The following TRAPPC9 variants were observed in gnomAD, a reference collection of about 807,000 sequenced individuals.
TRAPPC9 encodes IKK2 binding protein.
In TRAPPC9, 83 loss-of-function variants were observed where a neutral mutation model predicts 124.0. The observed-to-expected ratio is 0.67, with a 90% confidence interval of 0.56 to 0.80. The LOEUF is 0.80. TRAPPC9 is among the 30% of genes least tolerant of loss of function. TRAPPC9 has a pLI of 0.00. For missense variants in TRAPPC9, 1,302 were observed against 1,508.3 expected, an observed-to-expected ratio of 0.86 and a Z score of 2.27; for synonymous variants, 638 against 617.5, an observed-to-expected ratio of 1.03 and a Z score of -0.49.
intron 21 of TRAPPC9, among the ~76,000 whole-genome samples, chr8:139,734,303 G>A (rs567111688): frequency 2.6e-5 from 4 of 152,336 alleles, no homozygotes; most frequent in East Asian, 1.9e-4. Context: ...TGTCCAGTGC[G>A]TCCTTATTTT....
intron 15 of TRAPPC9, among the ~76,000 whole-genome samples, chr8:140,272,116 AATGGTGATGGTGGCG>A (rs1228802345): frequency 3.3e-5 from 4 of 120,118 alleles, no homozygotes; most frequent in South Asian, 5.9e-4. Context: ...TGGTGGTGGC[AATGGTGATGGTGGCG>A]ATGGTGATGG....
chr8:140,458,018 G>A (rs1486049751), upstream of TRAPPC9, among the ~76,000 whole-genome samples: 2 of 127,626 alleles, frequency 1.6e-5, no homozygotes, highest in Non-Finnish European at 3.3e-5. Flanking sequence ...GAGGAGGAGA[G>A]TAGGAGGAGG....
chr8:140,156,105 T>C (rs2061624469), intron 17 of TRAPPC9, among the ~76,000 whole-genome samples: 1 of 152,158 alleles, frequency 6.6e-6, no homozygotes, highest in Non-Finnish European at 1.5e-5. Context: ...AGGGGTAACA[T>C]TCGATGCAGA....
At position 140,197,459 on chromosome 8, in the gene TRAPPC9, G is replaced by A. The variant is rs531237628; in HGVS notation, c.2556+24000C>T. On this transcript the variant is annotated intron_variant, in intron 17 of 22. Transcript: ENST00000438773. ...ACGGTGACTTTCCTAAGGAAAAGGG[G>A]CTGAGGAAATAAAGGCTGAATTCGA... is the stretch of plus-strand genomic sequence containing the variant. 1.3e-3 allele frequency among the ~76,000 whole-genome samples: 204 copies of A among 152,246 alleles called. 2 individuals carry two copies. Among genetic ancestry groups the A allele is most frequent in the Admixed American group, 2.5e-3 (39 of 15,304 alleles).
chr8:139,902,040 T>C (rs1831051683), intron 20 of TRAPPC9, among the ~76,000 whole-genome samples: 1 of 152,180 alleles, frequency 6.6e-6, no homozygotes. Flanking sequence ...ATGCTCACAA[T>C]AATCATCACG....
intron 17 of TRAPPC9, among the ~76,000 whole-genome samples, chr8:140,200,396 T>C (rs183885801): frequency 7.3e-4 from 111 of 151,914 alleles, no homozygotes; most frequent in Non-Finnish European, 1.1e-3. Flanking sequence ...AGCCCTAGAG[T>C]GTGAGCTCCA....
intron 21 of TRAPPC9, among the ~76,000 whole-genome samples, chr8:139,849,745 A>G (rs909060234): frequency 2.0e-5 from 3 of 152,146 alleles, no homozygotes; most frequent in Non-Finnish European, 4.4e-5. Context: ...TGAATTCTTG[A>G]GTTCTAAGAT....
At position 139,956,979 on chromosome 8, in the gene TRAPPC9, G is replaced by A. The variant is rs1464618810; in HGVS notation, c.2810+31747C>T. Among the ~76,000 whole-genome samples the A allele has an allele frequency of 3.9e-5, 6 of 152,392 alleles. No individual in the cohort carries two copies. The East Asian group carries it at 9.6e-4, about 24-fold the overall frequency. On this transcript the variant is annotated intron_variant, in intron 19 of 22. Coordinates refer to ENST00000438773, the MANE Select transcript of TRAPPC9 (RefSeq NM_001160372.4). ...CGGATAAGGCCCTGAGGTGCTTGCTGCCTTCGAGCGGGAGGGACACGGCTT... is the reference window on the plus strand; with the variant it reads ...CGGATAAGGCCCTGAGGTGCTTGCTACCTTCGAGCGGGAGGGACACGGCTT...
chr8:139,869,449 C>A (rs1184039657), intron 21 of TRAPPC9, among the ~76,000 whole-genome samples: 3 of 152,226 alleles, frequency 2.0e-5, no homozygotes, highest in Admixed American at 2.0e-4. Flanking sequence ...GGGACACACA[C>A]ATGTCACATC....
chr8:140,298,657 A>G (rs1330769671), intron 11 of TRAPPC9, among the ~76,000 whole-genome samples: 1 of 151,236 alleles, frequency 6.6e-6, no homozygotes. Flanking sequence ...GTCTCAAAGA[A>G]AAAAAAAAGA....
intron 16 of TRAPPC9, among the ~76,000 whole-genome samples, chr8:140,236,634 C>T (rs1395554506): frequency 4.6e-5 from 7 of 152,112 alleles, no homozygotes; most frequent in Non-Finnish European, 1.0e-4. Flanking sequence ...TAAAAAAAGA[C>T]TTCAAACACC....
intron 14 of TRAPPC9, among the ~76,000 whole-genome samples, chr8:140,277,843 A>T (rs1305641209): frequency 2.0e-5 from 3 of 152,226 alleles, no homozygotes; most frequent in African/African-American, 7.2e-5. Context: ...AGAAACTCCA[A>T]TGTGGGACTA....
intron 7 of TRAPPC9, among the ~76,000 whole-genome samples, chr8:140,381,137 G>A (rs775808901): frequency 9.3e-5 from 14 of 151,094 alleles, no homozygotes; most frequent in African/African-American, 1.9e-4. Context: ...CCCGGGAGGC[G>A]GAGGTTGCAG....
At chr8:139,919,123 C>T (rs1047020055) in intron 19 of TRAPPC9, among the ~76,000 whole-genome samples, 1 of 152,224 alleles carries the variant, frequency 6.6e-6, no homozygotes, top group Non-Finnish European at 1.5e-5. Context: ...GGGCTAGTGT[C>T]CCGGCTGCAG....
chr8:140,322,254 C>G lies in TRAPPC9; in HGVS notation c.1496-10880G>C, dbSNP rs568456753. On this transcript the variant is annotated intron_variant, in intron 9 of 22. Transcript: ENST00000438773. Reference sequence around the variant, plus strand: ...TCCAGTCTTTTCTGTGCCCAGACCCCAAGCCAACAGAAGGTCAAATCCTGA... The same window carrying G: ...TCCAGTCTTTTCTGTGCCCAGACCCGAAGCCAACAGAAGGTCAAATCCTGA... 2.6e-5 allele frequency among the ~76,000 whole-genome samples: 4 copies of G among 152,228 alleles called. No individual in the cohort carries two copies. In the East Asian group the frequency reaches 7.7e-4, roughly 29 times the overall value.
intron 7 of TRAPPC9, among the ~76,000 whole-genome samples, chr8:140,382,264 T>C (rs187389296): frequency 7.8e-4 from 119 of 152,280 alleles, no homozygotes; most frequent in African/African-American, 2.5e-3. Context: ...ACCGGGTTCA[T>C]TTCACTGGGG....
At chr8:140,058,862 A>G (rs550194972) in intron 17 of TRAPPC9, among the ~76,000 whole-genome samples, 7 of 152,250 alleles carry the variant, frequency 4.6e-5, no homozygotes, top group Admixed American at 3.3e-4. Flanking sequence ...GAGTCAGGAG[A>G]GTCGGGAGAG....
intron 19 of TRAPPC9, among the ~76,000 whole-genome samples, chr8:139,942,777 G>T (rs1483436145): frequency 6.6e-6 from 1 of 152,206 alleles, no homozygotes; most frequent in Non-Finnish European, 1.5e-5. Flanking sequence ...TCTTGTCTGA[G>T]GACAGGCCGA....
At chr8:140,364,082 G>A (rs772685580) in intron 8 of TRAPPC9, among the ~76,000 whole-genome samples, 51 of 152,214 alleles carry the variant, frequency 3.4e-4, no homozygotes, top group Non-Finnish European at 6.8e-4. Context: ...GAGGATGACC[G>A]GGAGTGAGGC....
Sources: allele counts gnomAD v4.1 joint callset (sites outside exome capture counted in the v4.1 genomes callset), GRCh38; gene constraint gnomAD v4.1.1; transcripts MANE v1.5; gene names NCBI Gene and HGNC (gene_info 2026-07-23, HGNC 2026-07-21).